PM20D2: variants seen among roughly 807,000 people sequenced by gnomAD.
The protein encoded by PM20D2 is xaa-Arg dipeptidase.
Under a neutral mutation model 42.9 loss-of-function variants are expected in PM20D2, and 33 were observed. The observed-to-expected ratio is 0.77, with a 90% CI of 0.58 to 1.03. The LOEUF is 1.03. Ranked by LOEUF, PM20D2 falls within the 50% of genes least tolerant of loss-of-function variation. The pLI, the probability that PM20D2 is intolerant of heterozygous loss-of-function variation, is 0.00. For synonymous variants in PM20D2, 250 were observed against 228.2 expected (o/e 1.10, Z -0.86); for missense variants, 548 against 557.0 (o/e 0.98, Z 0.16).
chr6:89,119,831 A>G, the PM20D2 span, among the ~76,000 whole-genome samples: 1 of 151,834 alleles, frequency 6.6e-6, no homozygotes, highest in Non-Finnish European at 1.5e-5. Context: ...CTCTCTTTTT[A>G]TTTTAGATGG....
the PM20D2 span, among the ~76,000 whole-genome samples, chr6:89,095,017 C>CACCT: frequency 6.6e-6 from 1 of 152,198 alleles, no homozygotes. Context: ...AAAACTACAT[C>CACCT]ACCTTTCTTT....
intron 3 of PM20D2, 110 bp from the exon 4 acceptor site, chr6:89,154,638 T>C: frequency 1.3e-6 from 1 of 769,248 alleles, no homozygotes; most frequent in South Asian, 3.0e-5. Context: ...AGCTAGTGAG[T>C]TTAAATTATT....
the PM20D2 span, among the ~76,000 whole-genome samples, chr6:89,099,413 T>TGTGTATATATATAC: frequency 4.1e-3 from 568 of 139,964 alleles, 7 homozygotes; most frequent in African/African-American, 0.015. Flanking sequence ...CATATATATA[T>TGTGTATATATATAC]ACATATATAT....
the PM20D2 span, among the ~76,000 whole-genome samples, chr6:89,124,566 T>C: frequency 6.6e-6 from 1 of 152,124 alleles, no homozygotes; most frequent in Non-Finnish European, 1.5e-5. Context: ...TGCTATTTAT[T>C]GGATTAAATT....
chr6:89,108,191 G>A, the PM20D2 span, among the ~76,000 whole-genome samples: 1 of 152,162 alleles, frequency 6.6e-6, no homozygotes, highest in Non-Finnish European at 1.5e-5. Context: ...AAAAGAAACA[G>A]CATGATATTC....
At chr6:89,122,079 T>C in the PM20D2 span, among the ~76,000 whole-genome samples, 1 of 152,256 alleles carries the variant, frequency 6.6e-6, no homozygotes, top group Non-Finnish European at 1.5e-5. Flanking sequence ...CATGTGAATC[T>C]ATTTATAATG....
chr6:89,148,067 G>A (rs1770669884), intron 1 of PM20D2, among the ~76,000 whole-genome samples: 2 of 134,668 alleles, frequency 1.5e-5, no homozygotes, highest in Admixed American at 8.4e-5. Flanking sequence ...TACAACCTCC[G>A]CCTCCCGGGT....
chr6:89,113,066 A>G, the PM20D2 span, among the ~76,000 whole-genome samples: 1 of 152,246 alleles, frequency 6.6e-6, no homozygotes, highest in Non-Finnish European at 1.5e-5. Flanking sequence ...CAACAAAATC[A>G]CCAAATGGAT....
upstream of PM20D2, among the ~76,000 whole-genome samples, chr6:89,143,503 C>T (rs751899979): frequency 1.1e-4 from 16 of 152,086 alleles, no homozygotes; most frequent in South Asian, 6.2e-4. Flanking sequence ...AACCAGTCCT[C>T]AAGAGAGAAC....
intron 4 of PM20D2, among the ~76,000 whole-genome samples, chr6:89,156,343 T>C (rs1389227048): frequency 6.6e-6 from 1 of 152,232 alleles, no homozygotes; most frequent in Non-Finnish European, 1.5e-5. Flanking sequence ...GCCTAGCTAA[T>C]TCTGTAACCT....
chr6:89,148,394 C>A, intron 1 of PM20D2: 1 of 284,058 alleles, frequency 3.5e-6, no homozygotes, highest in Non-Finnish European at 5.3e-6. Flanking sequence ...CAGCTTGTTT[C>A]ATTGTGTTCT....
At position 89,165,213 on chromosome 6, in the gene PM20D2, A is replaced by C. The variant is rs1345435355; in HGVS notation, c.*2950A>C. Reference sequence around the variant, plus strand: ...TTAAAAACCTGTCTGATGGTGTTTTATACATTTCTAACTTTTTACCTGAGT... The same window carrying C: ...TTAAAAACCTGTCTGATGGTGTTTTCTACATTTCTAACTTTTTACCTGAGT... On this transcript the variant is annotated 3_prime_UTR_variant, in exon 7 of 7. Transcript: ENST00000275072. 1.3e-5 allele frequency: 2 copies of C among 151,776 alleles called. No homozygotes were observed. Among genetic ancestry groups the C allele is most frequent in the Non-Finnish European group, 2.9e-5 (2 of 67,960 alleles). The allele number at this position is 151,776 out of a possible 1,614,324, so 9.4% of individuals were successfully genotyped here. A position where few individuals can be genotyped will look rare whatever the true frequency, so the allele number is the denominator to read the frequency against.
At chr6:89,120,391 G>A in the PM20D2 span, among the ~76,000 whole-genome samples, 76 of 152,164 alleles carry the variant, frequency 5.0e-4, no homozygotes, top group Middle Eastern at 3.4e-3. Context: ...CTGGAGATAG[G>A]ACTTGGACAT....
chr6:89,115,540 C>T, the PM20D2 span, among the ~76,000 whole-genome samples: 2 of 152,106 alleles, frequency 1.3e-5, no homozygotes, highest in Non-Finnish European at 2.9e-5. Context: ...ACTCGGTCTC[C>T]TAAAGTGCTG....
At chr6:89,109,264 A>G in the PM20D2 span, among the ~76,000 whole-genome samples, 2 of 152,180 alleles carry the variant, frequency 1.3e-5, no homozygotes, top group Non-Finnish European at 2.9e-5. Context: ...TTTTTTCAGG[A>G]CTTCACAGGC....
the PM20D2 span, among the ~76,000 whole-genome samples, chr6:89,140,514 T>C: frequency 6.7e-6 from 1 of 148,342 alleles, no homozygotes; most frequent in Non-Finnish European, 1.5e-5. Context: ...TTCAAGGACT[T>C]TAAAAGCACT....
At chr6:89,146,725 T>A (rs1562245709) in intron 1 of PM20D2, 116 bp downstream of exon 1, 2 of 859,652 alleles carry the variant, frequency 2.3e-6, no homozygotes, top group Non-Finnish European at 3.3e-6. Context: ...CCGGGGCAGG[T>A]GTGTGTGGGA....
chr6:89,130,016 G>A, the PM20D2 span, among the ~76,000 whole-genome samples: 32 of 151,740 alleles, frequency 2.1e-4, no homozygotes, highest in Admixed American at 5.9e-4. Flanking sequence ...GATTACAGCC[G>A]TGAGCCACTG....
Position 89,146,340 on chromosome 6 carries a change from T to G in PM20D2, c.196T>G (p.Phe66Val). The change falls in exon 1 of 7, where the codon TTC (phenylalanine) becomes GTC (valine). Residue 66 changes from phenylalanine (F) to valine (V), a missense_variant. Coordinates refer to ENST00000275072, the MANE Select transcript of PM20D2 (RefSeq NM_001010853.3). ...HHAHRVLTHFFEREPPAASWA... is the reference protein window; with the variant it reads ...HHAHRVLTHFVEREPPAASWA... ...TGCCCACCGCGTGCTGACGCACTTC[T>G]TCGAGCGGGAGCCGCCCGCGGCCTC... 1 of 1,566,414 alleles carries G rather than the reference T, an allele frequency of 6.4e-7. No individual in the cohort carries two copies. The highest frequency in any genetic ancestry group is 1.2e-5 in the South Asian group (1 of 86,770).
Sources: allele counts gnomAD v4.1 joint callset (sites outside exome capture counted in the v4.1 genomes callset), GRCh38; gene constraint gnomAD v4.1.1; transcripts MANE v1.5; gene names NCBI Gene and HGNC (gene_info 2026-07-23, HGNC 2026-07-21).